Variants in GHR observed in about 807,000 individuals in gnomAD.
GHR encodes GH receptor.
A neutral mutation model predicts 67.1 loss-of-function variants in GHR; 35 were observed. That is an observed-to-expected ratio of 0.52 (90% CI 0.40 to 0.69). The LOEUF is 0.69. GHR is among the 30% of genes least tolerant of loss of function. The pLI is 0.00. For synonymous variants in GHR, 272 were observed against 269.1 expected (o/e 1.01, Z -0.10); for missense variants, 792 against 764.6 (o/e 1.04, Z -0.42).
intron 2 of GHR, among the ~76,000 whole-genome samples, chr5:42,611,556 C>G (rs1752891648): frequency 6.6e-6 from 1 of 152,124 alleles, no homozygotes; most frequent in African/African-American, 2.4e-5. Flanking sequence ...GGACAAAACG[C>G]ACATGGTTTC....
chr5:42,550,893 C>T (rs1194015305), intron 1 of GHR, among the ~76,000 whole-genome samples: 2 of 152,206 alleles, frequency 1.3e-5, no homozygotes, highest in Non-Finnish European at 2.9e-5. Flanking sequence ...ACCCGGCACC[C>T]TCAGGTTATG....
intron 1 of GHR, among the ~76,000 whole-genome samples, chr5:42,445,341 C>A (rs1223925146): frequency 1.3e-5 from 2 of 152,010 alleles, no homozygotes; most frequent in East Asian, 3.9e-4. Flanking sequence ...TTTTGAAGTC[C>A]AACAAATAGA....
intron 1 of GHR, among the ~76,000 whole-genome samples, chr5:42,496,660 C>G (rs543086783): frequency 6.6e-6 from 1 of 152,202 alleles, no homozygotes; most frequent in Non-Finnish European, 1.5e-5. Flanking sequence ...CAACTGGTAC[C>G]CATGCCAGAG....
chr5:42,561,588 G>T (rs1353421327), intron 1 of GHR, among the ~76,000 whole-genome samples: 4 of 152,182 alleles, frequency 2.6e-5, no homozygotes, highest in Non-Finnish European at 5.9e-5. Context: ...CCTCTGCTGG[G>T]CAGTCTACAG....
At chr5:42,712,574 TAAGAA>T (rs1400563814) in intron 7 of GHR, among the ~76,000 whole-genome samples, 4 of 152,106 alleles carry the variant, frequency 2.6e-5, no homozygotes, top group Non-Finnish European at 4.4e-5. Context: ...ACTTTTTAAA[TAAGAA>T]AAGACTATTT....
At chr5:42,477,333 A>G (rs2112133376) in intron 1 of GHR, among the ~76,000 whole-genome samples, 1 of 152,296 alleles carries the variant, frequency 6.6e-6, no homozygotes, top group South Asian at 2.1e-4. Flanking sequence ...ATAGTGCCAC[A>G]ATAAACATAC....
intron 3 of GHR, among the ~76,000 whole-genome samples, chr5:42,667,420 C>A (rs886647986): frequency 6.6e-6 from 1 of 152,032 alleles, no homozygotes; most frequent in Non-Finnish European, 1.5e-5. Flanking sequence ...CAATATTTTC[C>A]TTTAAGGAAT....
chr5:42,698,475 T>C (rs1372143670), intron 5 of GHR, among the ~76,000 whole-genome samples: 2 of 152,192 alleles, frequency 1.3e-5, no homozygotes, highest in Non-Finnish European at 2.9e-5. Context: ...TATCGGCATA[T>C]GTAGTTTGGC....
intron 3 of GHR, among the ~76,000 whole-genome samples, chr5:42,682,947 C>A (rs1391586407): frequency 6.6e-6 from 1 of 152,080 alleles, no homozygotes; most frequent in African/African-American, 2.4e-5. Flanking sequence ...AGATTGGTTC[C>A]CATGCTTATT....
intron 1 of GHR, among the ~76,000 whole-genome samples, chr5:42,518,022 G>T (rs992158526): frequency 6.6e-6 from 1 of 151,728 alleles, no homozygotes; most frequent in African/African-American, 2.4e-5. Flanking sequence ...ATATTAGATT[G>T]TTATCTATGA....
intron 6 of GHR, among the ~76,000 whole-genome samples, chr5:42,708,709 C>G (rs1273354885): frequency 1.3e-5 from 2 of 152,110 alleles, no homozygotes; most frequent in African/African-American, 4.8e-5. Flanking sequence ...CCCTAAAAGC[C>G]ATGGCATATA....
intron 3 of GHR, among the ~76,000 whole-genome samples, chr5:42,665,360 A>G (rs1029060857): frequency 8.5e-5 from 13 of 152,212 alleles, no homozygotes; most frequent in African/African-American, 3.1e-4. Context: ...ATGTCCAACA[A>G]TGATAGACTG....
intron 4 of GHR, among the ~76,000 whole-genome samples, chr5:42,692,312 G>A (rs896361849): frequency 7.2e-5 from 11 of 151,872 alleles, no homozygotes; most frequent in African/African-American, 2.7e-4. Context: ...TTTAATGATA[G>A]TCTCTTTCTA....
At chr5:42,625,853 A>G (rs1459420085) in intron 2 of GHR, among the ~76,000 whole-genome samples, 1 of 152,048 alleles carries the variant, frequency 6.6e-6, no homozygotes, top group Non-Finnish European at 1.5e-5. Context: ...GGGATTCTCT[A>G]TAGAATGTGG....
intron 3 of GHR, among the ~76,000 whole-genome samples, chr5:42,686,513 G>C (rs555802939): frequency 1.3e-5 from 2 of 152,138 alleles, no homozygotes; most frequent in African/African-American, 4.8e-5. Flanking sequence ...GGAATGCAAG[G>C]CTGGTTCAAC....
At position 42,428,122 on chromosome 5, in the gene GHR, C is replaced by T. The variant is rs1212288695; in HGVS notation, c.-12+4167C>T. ...AGGGTTGTTTATGAGGGCTCTGCCC[C>T]TGCAGGACAACTCTGCCTGGACATC... On this transcript the variant is annotated intron_variant, in intron 1 of 9. Coordinates refer to ENST00000230882, the MANE Select transcript of GHR (RefSeq NM_000163.5). Among the ~76,000 whole-genome samples, 3 of 152,256 alleles carry T rather than the reference C, an allele frequency of 2.0e-5. No homozygotes were observed. In the East Asian group the frequency reaches 5.8e-4, roughly 29 times the overall value.
intron 1 of GHR, among the ~76,000 whole-genome samples, chr5:42,439,603 A>G (rs756175833): frequency 6.6e-6 from 1 of 152,228 alleles, no homozygotes; most frequent in Non-Finnish European, 1.5e-5. Context: ...AAAGATGGAC[A>G]CTGGAAGGTA....
intron 2 of GHR, among the ~76,000 whole-genome samples, chr5:42,578,329 A>C (rs762914950): frequency 4.0e-4 from 61 of 152,204 alleles, no homozygotes; most frequent in Non-Finnish European, 6.0e-4. Context: ...AAACTTGTTT[A>C]TATTTTTTAA....
chr5:42,442,642 C>T (rs763580609), intron 1 of GHR, among the ~76,000 whole-genome samples: 4 of 152,094 alleles, frequency 2.6e-5, no homozygotes, highest in Non-Finnish European at 4.4e-5. Context: ...GATGCTGCAC[C>T]CCAGATCAAT....
Sources: gnomAD v4.1 joint callset for allele counts (sites outside exome capture counted in the v4.1 genomes callset) on GRCh38, gnomAD v4.1.1 for gene constraint, MANE v1.5 for transcripts, NCBI Gene and HGNC (gene_info 2026-07-23, HGNC 2026-07-21) for gene names.